DENND5B: variants seen among roughly 807,000 people sequenced by gnomAD.
DENND5B encodes the protein DENN domain-containing protein 5B.
In DENND5B, 34 loss-of-function variants were observed where a neutral mutation model predicts 140.6. The ratio of observed to expected loss-of-function variants is 0.24; its 90% CI spans 0.18 to 0.32. DENND5B has a LOEUF of 0.32. Among genes scored for constraint, DENND5B ranks in the 10% least tolerant of loss-of-function variants. DENND5B has a pLI of 1.00. For missense variants in DENND5B, 1,142 were observed against 1,560.2 expected, an observed-to-expected ratio of 0.73 and a Z score of 4.52; for synonymous variants, 551 against 562.1, an observed-to-expected ratio of 0.98 and a Z score of 0.28.
At chr12:31,462,397 C>CGGCTG (rs1470346360) in intron 3 of DENND5B, among the ~76,000 whole-genome samples, 1 of 152,026 alleles carries the variant, frequency 6.6e-6, no homozygotes, top group Non-Finnish European at 1.5e-5. Flanking sequence ...CCCCTGAGGT[C>CGGCTG]GGCTGGATGG....
chr12:31,409,713 A>C (rs997997072), intron 13 of DENND5B, among the ~76,000 whole-genome samples: 1 of 152,136 alleles, frequency 6.6e-6, no homozygotes, highest in African/African-American at 2.4e-5. Flanking sequence ...TCCTGACCTC[A>C]GGTGATCCAT....
At chr12:31,554,623 G>A (rs923970499) in intron 1 of DENND5B, among the ~76,000 whole-genome samples, 3 of 152,114 alleles carry the variant, frequency 2.0e-5, no homozygotes, top group Non-Finnish European at 2.9e-5. Context: ...TTGCTAGATT[G>A]GGGAAGTTTT....
At position 31,387,462 on chromosome 12, in the gene DENND5B, T is replaced by C. The variant is rs943489147; in HGVS notation, c.*141A>G. ...TGAACTACAATACAACATTTTGCCT[T>C]GTCTGTAGAGTGAGGATTGTTCCAA... On this transcript the variant is annotated 3_prime_UTR_variant, in exon 21 of 21. Transcript: ENST00000389082. 1 of 792,176 alleles carries C rather than the reference T, an allele frequency of 1.3e-6. No individual in the cohort carries two copies. Among genetic ancestry groups the C allele is most frequent in the Admixed American group, 3.1e-5 (1 of 32,306 alleles). 49.1% of individuals were successfully genotyped at this position (792,176 alleles called of 1,614,324 possible). A position where few individuals can be genotyped will look rare whatever the true frequency, so the allele number is the denominator to read the frequency against.
intron 1 of DENND5B, among the ~76,000 whole-genome samples, chr12:31,510,129 GC>G (rs1177031266): frequency 1.3e-5 from 2 of 152,072 alleles, no homozygotes; most frequent in Non-Finnish European, 2.9e-5. Context: ...ATTTTCTATT[GC>G]CCCAAGTTAT....
chr12:31,482,183 T>A (rs1184606710), intron 2 of DENND5B, among the ~76,000 whole-genome samples: 6 of 152,226 alleles, frequency 3.9e-5, no homozygotes, highest in Admixed American at 3.3e-4. Flanking sequence ...GCTCATGTCA[T>A]GATTGTGCCA....
At chr12:31,431,576 T>A (rs1194341932) in intron 8 of DENND5B, among the ~76,000 whole-genome samples, 1 of 152,190 alleles carries the variant, frequency 6.6e-6, no homozygotes, top group East Asian at 1.9e-4. Flanking sequence ...ACTGAGATTC[T>A]ATGTTGATGA....
At chr12:31,468,829 AAAG>A (rs879576062) in intron 3 of DENND5B, among the ~76,000 whole-genome samples, 82,267 of 151,360 alleles carry the variant, frequency 0.54, 22,845 homozygotes, top group East Asian at 0.82. Flanking sequence ...CAAACAAACA[AAAG>A]GAAGTAATAT....
At chr12:31,454,167 G>A (rs986737159) in intron 4 of DENND5B, among the ~76,000 whole-genome samples, 2 of 151,448 alleles carry the variant, frequency 1.3e-5, no homozygotes, top group Non-Finnish European at 2.9e-5. Flanking sequence ...AAAAATTTCG[G>A]TTTCCCTCCT....
rs1940777064 is a variant in DENND5B, at chr12:31,384,769, T to TC, written c.*2833dup. 1 of 151,952 alleles carries TC rather than the reference T, an allele frequency of 6.6e-6. No homozygotes were observed. Among genetic ancestry groups the TC allele is most frequent in the African/African-American group, 2.4e-5 (1 of 41,360 alleles). 9.4% of individuals were successfully genotyped at this position (151,952 alleles called of 1,614,324 possible). A position where few individuals can be genotyped will look rare whatever the true frequency, so the allele number is the denominator to read the frequency against. On this transcript the variant is annotated 3_prime_UTR_variant, in exon 21 of 21. Transcript: ENST00000389082. Reference sequence around the variant, plus strand: ...AATCCAACTTTGGCTGCAGTTTTTTTCTTTTTTTTTTTTTGAGACGGAGTC... The same window carrying TC: ...AATCCAACTTTGGCTGCAGTTTTTTTCCTTTTTTTTTTTTTGAGACGGAGTC...
chr12:31,457,320 T>C (rs1944820466), intron 4 of DENND5B, among the ~76,000 whole-genome samples: 1 of 152,258 alleles, frequency 6.6e-6, no homozygotes, highest in South Asian at 2.1e-4. Context: ...CTTGTGGGTA[T>C]CACTCTTAAA....
rs1950599782 is a variant in DENND5B, at chr12:31,590,959, G to GCGCAGCCGCCTCTCGCCGC, written c.-146_-128dup. The GCGCAGCCGCCTCTCGCCGC allele has an allele frequency of 9.6e-7, 1 of 1,037,032 alleles. No individual in the cohort carries two copies. The highest frequency in any genetic ancestry group is 1.7e-5 in the African/African-American group (1 of 58,606). The allele number at this position is 1,037,032 out of a possible 1,614,324, so 64.2% of individuals were successfully genotyped here. A position where few individuals can be genotyped will look rare whatever the true frequency, so the allele number is the denominator to read the frequency against. Reference sequence around the variant, plus strand: ...GGGCGACACTGGCGCGCCCATGGCCGCGCAGCCGCCTCTCGCCGCCGCAGC... The same window carrying GCGCAGCCGCCTCTCGCCGC: ...GGGCGACACTGGCGCGCCCATGGCCGCGCAGCCGCCTCTCGCCGCCGCAGCCGCCTCTCGCCGCCGCAGC... On this transcript the variant is annotated 5_prime_UTR_variant, in exon 1 of 21. Coordinates refer to ENST00000389082, the MANE Select transcript of DENND5B (RefSeq NM_144973.4).
chr12:31,555,403 G>T (rs778951019), intron 1 of DENND5B, among the ~76,000 whole-genome samples: 1 of 152,152 alleles, frequency 6.6e-6, no homozygotes, highest in Admixed American at 6.5e-5. Flanking sequence ...CTGCCTGATC[G>T]TTCTTCTGGA....
intron 13 of DENND5B, among the ~76,000 whole-genome samples, chr12:31,411,815 A>G (rs1229152588): frequency 6.6e-6 from 1 of 152,176 alleles, no homozygotes; most frequent in Non-Finnish European, 1.5e-5. Flanking sequence ...TACAAATACA[A>G]AACTACAAAA....
chr12:31,526,501 G>GAA (rs1045980010), intron 1 of DENND5B, among the ~76,000 whole-genome samples: 1 of 152,150 alleles, frequency 6.6e-6, no homozygotes, highest in African/African-American at 2.4e-5. Context: ...CCTTCCTTTA[G>GAA]AAATATTCAC....
At chr12:31,505,089 T>A (rs968769685) in intron 1 of DENND5B, among the ~76,000 whole-genome samples, 7 of 152,226 alleles carry the variant, frequency 4.6e-5, no homozygotes, top group Non-Finnish European at 1.0e-4. Context: ...ATGTGTTTAC[T>A]AGCCTGAGTT....
intron 1 of DENND5B, among the ~76,000 whole-genome samples, chr12:31,551,984 T>C (rs902142477): frequency 1.3e-5 from 2 of 152,212 alleles, no homozygotes; most frequent in African/African-American, 2.4e-5. Context: ...TGGGGTTTTC[T>C]AGATAGACAA....
intron 1 of DENND5B, among the ~76,000 whole-genome samples, chr12:31,582,724 T>A (rs1228749266): frequency 6.6e-6 from 1 of 152,218 alleles, no homozygotes; most frequent in Non-Finnish European, 1.5e-5. Flanking sequence ...GCCTGCCCGA[T>A]AGTGTCGCCT....
chr12:31,479,697 G>C lies in DENND5B; in HGVS notation c.796C>G (p.Leu266Val), dbSNP rs371858433. 51 of 1,594,902 alleles carry C rather than the reference G, an allele frequency of 3.2e-5. No homozygotes were observed. The highest frequency in any genetic ancestry group is 4.3e-5 in the Non-Finnish European group (50 of 1,170,728). The change falls in exon 3 of 21, where the codon CTC (leucine) becomes GTC (valine). Residue 266 changes from leucine (L) to valine (V), a missense_variant. Leu to Val is a conservative substitution (Grantham distance 32, BLOSUM62 1). Transcript: ENST00000389082. ...GCCTCCCGAAGGGGGTAATCAGAGA[G>C]GGGGAGTTCACTGGGCCCAGGCCTC... ...CQRPGPSELP[L>V]SDYPLREAFE... is the part of the protein sequence containing the mutation.
chr12:31,422,151 G>A (rs566155567), intron 11 of DENND5B, among the ~76,000 whole-genome samples: 7 of 152,046 alleles, frequency 4.6e-5, no homozygotes, highest in African/African-American at 1.4e-4. Context: ...CAGGCACGGT[G>A]GCTCACTCCT....
Sources: gnomAD v4.1 joint callset for allele counts (sites outside exome capture counted in the v4.1 genomes callset) on GRCh38, gnomAD v4.1.1 for gene constraint, MANE v1.5 for transcripts, NCBI Gene and HGNC (gene_info 2026-07-23, HGNC 2026-07-21) for gene names.